PLAC1: variants seen among roughly 807,000 people sequenced by gnomAD.
PLAC1 encodes the protein placenta associated 1, also known as placenta-specific protein 1.
For missense variants in PLAC1, 136 were observed against 163.2 expected (o/e 0.83, Z 0.91); for synonymous variants, 68 against 62.1 (o/e 1.09, Z -0.44).
intron 1 of PLAC1, among the ~76,000 whole-genome samples, chrX:134,602,415 T>C (rs981630819): frequency 8.9e-6 from 1 of 112,152 alleles, no homozygotes; most frequent in African/African-American, 3.2e-5. Flanking sequence ...GAAATGAAAG[T>C]ATTATGTTTT....
chrX:134,749,497 T>C (rs2147850504), intron 1 of PLAC1, among the ~76,000 whole-genome samples: 1 of 111,563 alleles, frequency 9.0e-6, no homozygotes, highest in East Asian at 2.8e-4. Flanking sequence ...AAGAACCAAA[T>C]GCCTACACAG....
chrX:134,567,906 G>A (rs2077886329), intron 2 of PLAC1, among the ~76,000 whole-genome samples: 1 of 111,181 alleles, frequency 9.0e-6, no homozygotes, highest in South Asian at 3.8e-4. Context: ...TTTGCATTAC[G>A]TCTTTTATTT....
intron 2 of PLAC1, among the ~76,000 whole-genome samples, chrX:134,595,696 A>T (rs1418371959): frequency 9.3e-6 from 1 of 107,523 alleles, no homozygotes; most frequent in Non-Finnish European, 1.9e-5. Context: ...CTTTGTTTTG[A>T]CTAATGCTTG....
At chrX:134,743,071 C>A (rs980546762) in intron 1 of PLAC1, among the ~76,000 whole-genome samples, 13 of 111,912 alleles carry the variant, frequency 1.2e-4, no homozygotes, top group Admixed American at 2.8e-4. Context: ...AAAAACCATG[C>A]TCAAGGATTT....
intron 2 of PLAC1, among the ~76,000 whole-genome samples, chrX:134,707,435 C>G (rs1047625930): frequency 8.9e-6 from 1 of 112,270 alleles, no homozygotes; most frequent in African/African-American, 3.2e-5. Context: ...GGTATTTCTC[C>G]TAATGCTATT....
chrX:134,585,353 CT>C (rs1017966538), intron 2 of PLAC1, among the ~76,000 whole-genome samples: 13 of 104,703 alleles, frequency 1.2e-4, no homozygotes, highest in African/African-American at 1.7e-4. Flanking sequence ...TCTCAAAAAA[CT>C]TTTTTTTTTT....
intron 1 of PLAC1, among the ~76,000 whole-genome samples, chrX:134,653,118 T>C (rs747015998): frequency 3.0e-4 from 34 of 112,632 alleles, no homozygotes; most frequent in Non-Finnish European, 5.1e-4. Flanking sequence ...GGTGTGCCTG[T>C]GGGGCCATAT....
rs768247225 is a variant in PLAC1 at position 134,584,410 on chromosome X, C to T, written c.-59+17641G>A. ...GTGCTAGACAACAGGACCCACCAGT[C>T]GACTTCCATTTTCCATTTAACACAG... On this transcript the variant is annotated intron_variant, in intron 2 of 2. Coordinates refer to ENST00000359237, the MANE Select transcript of PLAC1 (RefSeq NM_021796.4). Among the ~76,000 whole-genome samples the T allele has an allele frequency of 2.6e-4, 29 of 111,811 alleles. No homozygotes were observed. The South Asian group carries it at 8.0e-3, about 31-fold the overall frequency.
At chrX:134,587,108 T>C (rs2078007058) in intron 2 of PLAC1, among the ~76,000 whole-genome samples, 1 of 110,377 alleles carries the variant, frequency 9.1e-6, no homozygotes, top group South Asian at 3.9e-4. Flanking sequence ...CTGTTATTAT[T>C]CCCATGTGAG....
At chrX:134,574,978 C>T (rs1362097284) in intron 2 of PLAC1, among the ~76,000 whole-genome samples, 2 of 110,250 alleles carry the variant, frequency 1.8e-5, no homozygotes, top group Non-Finnish European at 3.8e-5. Flanking sequence ...TGAGAGCAGA[C>T]CTACACATCC....
chrX:134,659,397 G>A (rs2078407260), upstream of PLAC1, among the ~76,000 whole-genome samples: 1 of 111,382 alleles, frequency 9.0e-6, no homozygotes, highest in Non-Finnish European at 1.9e-5. Context: ...AGCCACAGCA[G>A]CAACTACACA....
intron 2 of PLAC1, among the ~76,000 whole-genome samples, chrX:134,716,211 G>T (rs1185643051): frequency 2.7e-5 from 3 of 112,582 alleles, no homozygotes; most frequent in African/African-American, 9.7e-5. Context: ...AGGGGGAAAT[G>T]TATCTATAGG....
intron 2 of PLAC1, among the ~76,000 whole-genome samples, chrX:134,707,115 C>A (rs1244224733): frequency 9.0e-6 from 1 of 111,636 alleles, no homozygotes; most frequent in Admixed American, 9.5e-5. Context: ...AGGCCAAAAC[C>A]CAGTGACTGT....
chrX:134,646,136 A>G (rs1056999602), intron 1 of PLAC1, among the ~76,000 whole-genome samples: 9 of 112,019 alleles, frequency 8.0e-5, no homozygotes, highest in Non-Finnish European at 1.3e-4. Flanking sequence ...GAAGAGTAGC[A>G]ATGAAAAGCA....
At chrX:134,658,671 C>A (rs758277239), upstream of PLAC1, among the ~76,000 whole-genome samples, 5 of 111,736 alleles carry the variant, frequency 4.5e-5, no homozygotes, top group African/African-American at 1.3e-4. Flanking sequence ...CCCTTGAGAT[C>A]ATCAGTGATT....
intron 1 of PLAC1, among the ~76,000 whole-genome samples, chrX:134,613,634 T>A (rs1451662166): frequency 9.0e-6 from 1 of 111,656 alleles, no homozygotes; most frequent in Non-Finnish European, 1.9e-5. Context: ...TTTCTCATGC[T>A]GTAGAAATAT....
intron 1 of PLAC1, among the ~76,000 whole-genome samples, chrX:134,608,282 G>A (rs1160387935): frequency 8.9e-6 from 1 of 111,942 alleles, no homozygotes; most frequent in Non-Finnish European, 1.9e-5. Context: ...CAATCCAAAT[G>A]TTCATCAGCT....
intron 2 of PLAC1, chrX:134,600,923 C>T (rs2078085606): frequency 9.0e-6 from 1 of 111,626 alleles, no homozygotes; most frequent in African/African-American, 3.3e-5. Context: ...GGTGCAATCA[C>T]AGCTCACTGC....
chrX:134,653,925 C>T (rs1328765509), intron 1 of PLAC1, among the ~76,000 whole-genome samples: 1 of 112,043 alleles, frequency 8.9e-6, no homozygotes, highest in Non-Finnish European at 1.9e-5. Context: ...CAGGCAATTT[C>T]AGTTCAGTCC....
Sources: allele counts gnomAD v4.1 joint callset (sites outside exome capture counted in the v4.1 genomes callset), GRCh38; gene constraint gnomAD v4.1.1; transcripts MANE v1.5; gene names NCBI Gene and HGNC (gene_info 2026-07-23, HGNC 2026-07-21).